LGMN: variants seen among roughly 807,000 people sequenced by gnomAD.
The protein encoded by LGMN is asparaginyl endopeptidase.
A neutral mutation model predicts 56.8 loss-of-function variants in LGMN; 36 were observed. The observed-to-expected ratio is 0.63, with a 90% CI of 0.49 to 0.84. LGMN has a LOEUF of 0.84. Among genes scored for constraint, LGMN ranks in the 40% least tolerant of loss-of-function variants. The pLI, the probability that LGMN is intolerant of heterozygous loss-of-function variation, is 0.00. For synonymous variants in LGMN, 199 were observed against 210.1 expected, an observed-to-expected ratio of 0.95 and a Z score of 0.46; for missense variants, 446 against 556.1, an observed-to-expected ratio of 0.80 and a Z score of 1.99.
chr14:92,741,092 CA>C (rs1051884461), intron 1 of LGMN: 2 of 151,692 alleles, frequency 1.3e-5, no homozygotes, highest in African/African-American at 4.9e-5. Context: ...GAGGCTGAGG[CA>C]GGAGAATTGC....
At chr14:92,709,066 T>G (rs1889599047) in intron 11 of LGMN, among the ~76,000 whole-genome samples, 1 of 152,108 alleles carries the variant, frequency 6.6e-6, no homozygotes, top group African/African-American at 2.4e-5. Flanking sequence ...ACTGATGAGC[T>G]ACTGAAAACA....
chr14:92,722,105 A>G (rs551201372), intron 2 of LGMN, among the ~76,000 whole-genome samples: 4 of 152,194 alleles, frequency 2.6e-5, no homozygotes, highest in African/African-American at 4.8e-5. Context: ...ATGACAAAAA[A>G]TTCAGGAGCT....
intron 2 of LGMN, among the ~76,000 whole-genome samples, chr14:92,723,333 CCA>C (rs1213715286): frequency 3.9e-5 from 6 of 152,154 alleles, no homozygotes; most frequent in African/African-American, 1.4e-4. Flanking sequence ...GTGTGAGCCA[CCA>C]CATCTGTCCT....
In LGMN at chr14:92,710,786, G is replaced by A. The variant is rs191858213; in HGVS notation, c.819+873C>T. 6.4e-4 allele frequency among the ~76,000 whole-genome samples: 97 copies of A among 152,290 alleles called. 1 individual carries two copies. Among genetic ancestry groups the A allele is most frequent in the African/African-American group, 2.2e-3 (93 of 41,562 alleles). The stretch of plus-strand genomic sequence containing the variant: ...TGCCACCACTGACCCTGCCTTCTCC[G>A]TGTCACCTTTCCCTGGCCGTCCCTC... On this transcript the variant is annotated intron_variant, in intron 10 of 13. Transcript: ENST00000334869.
intron 8 of LGMN, among the ~76,000 whole-genome samples, chr14:92,712,431 A>G (rs1469945035): frequency 6.6e-6 from 1 of 152,206 alleles, no homozygotes; most frequent in Non-Finnish European, 1.5e-5. Context: ...ACAGACACAC[A>G]CTATCTTTAT....
chr14:92,737,552 T>C (rs778502345), intron 1 of LGMN, among the ~76,000 whole-genome samples: 7 of 152,210 alleles, frequency 4.6e-5, no homozygotes, highest in Non-Finnish European at 7.3e-5. Context: ...GACACCAAGC[T>C]AACACGTGGA....
Position 92,711,836 on chromosome 14 carries a change from C to T in LGMN, c.729+1G>A. The T allele has an allele frequency of 1.2e-6, 2 of 1,612,070 alleles. No individual in the cohort carries two copies. The highest frequency in any genetic ancestry group is 1.7e-6 in the Non-Finnish European group (2 of 1,178,082). ...GAACAGCCAGCCCCCAAAGGGCTCA[C>T]CACGTCCGAATCTTCCATCCAGTTG... On this transcript the variant is annotated splice_donor_variant, in intron 9 of 13. Transcript: ENST00000334869. LOFTEE classifies it high-confidence loss of function.
chr14:92,736,503 C>T (rs1352647248), intron 1 of LGMN, among the ~76,000 whole-genome samples: 6 of 151,964 alleles, frequency 3.9e-5, no homozygotes, highest in African/African-American at 7.3e-5. Context: ...GGCTGAGGCA[C>T]GAGAATCACT....
At chr14:92,740,100 T>C (rs557644073) in intron 1 of LGMN, among the ~76,000 whole-genome samples, 70 of 152,144 alleles carry the variant, frequency 4.6e-4, no homozygotes, top group South Asian at 1.2e-3. Flanking sequence ...AATACAAAAT[T>C]AGCTGGGCGT....
intron 1 of LGMN, among the ~76,000 whole-genome samples, chr14:92,742,292 C>G (rs1382695251): frequency 1.2e-5 from 1 of 84,014 alleles, no homozygotes; most frequent in Non-Finnish European, 2.1e-5. Flanking sequence ...TTTTGTTTTG[C>G]TTTTTTTTTT....
At chr14:92,739,242 A>C (rs548496336) in intron 1 of LGMN, among the ~76,000 whole-genome samples, 54 of 152,276 alleles carry the variant, frequency 3.5e-4, no homozygotes, top group African/African-American at 1.2e-3. Flanking sequence ...AGTCACCAAT[A>C]ATCTGGCAGC....
intron 2 of LGMN, among the ~76,000 whole-genome samples, chr14:92,719,302 A>ACCGCCG (rs1280163911): frequency 2.3e-5 from 1 of 43,270 alleles, no homozygotes; most frequent in Admixed American, 2.1e-4. Context: ...CGCCGCCGCC[A>ACCGCCG]CCGCCGCCAC....
intron 1 of LGMN, among the ~76,000 whole-genome samples, chr14:92,735,098 G>GTC (rs10636423): frequency 0.77 from 117,071 of 151,954 alleles, 46,017 homozygotes; most frequent in African/African-American, 0.93. Flanking sequence ...GAAGTGCTGA[G>GTC]TCTTGAAAAG....
chr14:92,747,786 G>A (rs145327063), intron 1 of LGMN, among the ~76,000 whole-genome samples: 52 of 152,272 alleles, frequency 3.4e-4, no homozygotes, highest in Non-Finnish European at 6.5e-4. Flanking sequence ...CAACTACCCT[G>A]GGCACTCCTT....
At position 92,709,800 on chromosome 14, in the gene LGMN, G is replaced by C. The variant is rs1889655446; in HGVS notation, c.892C>G (p.Pro298Ala). ...GGGGTGAGGTCAAGGTGTGTGACTG[G>C]AGGTAGGGGGACGGGAGAACTGGCT... ...RKASSPVPLPPVTHLDLTPSP... is the reference protein window; with the variant it reads ...RKASSPVPLPAVTHLDLTPSP... Residue 298 changes from proline to alanine, a missense_variant, in exon 11 of 14, where the codon CCA (proline) becomes GCA (alanine). Transcript: ENST00000334869. The C allele has an allele frequency of 1.2e-6, 2 of 1,613,960 alleles. No homozygotes were observed. Among genetic ancestry groups the C allele is most frequent in the African/African-American group, 2.7e-5 (2 of 74,932 alleles).
At chr14:92,721,617 C>T (rs1382025212) in intron 2 of LGMN, among the ~76,000 whole-genome samples, 7 of 152,192 alleles carry the variant, frequency 4.6e-5, no homozygotes, top group Non-Finnish European at 8.8e-5. Flanking sequence ...TTGAACCACA[C>T]ACCCTCCAAC....
At chr14:92,744,671 C>T (rs909077527) in intron 1 of LGMN, among the ~76,000 whole-genome samples, 37 of 150,730 alleles carry the variant, frequency 2.5e-4, no homozygotes, top group African/African-American at 7.8e-4. Context: ...TCTTGGCTCA[C>T]CACAACCTCC....
intron 12 of LGMN, among the ~76,000 whole-genome samples, chr14:92,705,490 A>C (rs1889383236): frequency 6.7e-6 from 1 of 148,248 alleles, no homozygotes; most frequent in Admixed American, 7.0e-5. Context: ...CAACAAGAGC[A>C]AAACTGTGTC....
At chr14:92,729,127 C>CTTTTTTT (rs55843490) in intron 2 of LGMN, among the ~76,000 whole-genome samples, 54 of 110,092 alleles carry the variant, frequency 4.9e-4, no homozygotes, top group South Asian at 8.5e-4. Flanking sequence ...CTCAGCTTTT[C>CTTTTTTT]TTTTTTTTTT....
Sources: allele counts gnomAD v4.1 joint callset (sites outside exome capture counted in the v4.1 genomes callset), GRCh38; gene constraint gnomAD v4.1.1; transcripts MANE v1.5; gene names NCBI Gene and HGNC (gene_info 2026-07-23, HGNC 2026-07-21).